RBFOX1: variants seen among roughly 807,000 people sequenced by gnomAD.
RBFOX1 encodes RNA binding fox-1 homolog 1, also known as RNA binding protein fox-1 homolog 1.
In RBFOX1, 8 loss-of-function variants were observed where a neutral mutation model predicts 57.7. That is an observed-to-expected ratio of 0.14 (90% CI 0.08 to 0.25). The LOEUF is 0.25. RBFOX1 is among the 10% of genes least tolerant of loss of function. The probability of loss-of-function intolerance (pLI) is 1.00; values close to 1 mark genes in which losing one functional copy is unlikely to be tolerated. For missense variants in RBFOX1, 611 were observed against 548.5 expected, an observed-to-expected ratio of 1.11 and a Z score of -1.14; for synonymous variants, 326 against 222.4, an observed-to-expected ratio of 1.47 and a Z score of -4.15.
At chr16:7,686,926 G>A (rs1031193742) in intron 14 of RBFOX1, among the ~76,000 whole-genome samples, 1 of 152,082 alleles carries the variant, frequency 6.6e-6, no homozygotes, top group African/African-American at 2.4e-5. Context: ...CCAAAACTCA[G>A]ATCTTTTTTT....
chr16:7,045,369 A>G (rs1026882162), intron 3 of RBFOX1, among the ~76,000 whole-genome samples: 1 of 152,140 alleles, frequency 6.6e-6, no homozygotes, highest in Non-Finnish European at 1.5e-5. Flanking sequence ...AAAAACAAAC[A>G]TGTCTACTAT....
chr16:7,493,599 A>G (rs2067645050), intron 4 of RBFOX1, among the ~76,000 whole-genome samples: 1 of 152,234 alleles, frequency 6.6e-6, no homozygotes, highest in Non-Finnish European at 1.5e-5. Flanking sequence ...AGAGAGGAAG[A>G]AAATGTAATA....
At chr16:7,198,920 T>C (rs9925310) in intron 4 of RBFOX1, among the ~76,000 whole-genome samples, 64,053 of 152,020 alleles carry the variant, frequency 0.42, 13,910 homozygotes, top group Non-Finnish European at 0.47. Flanking sequence ...TGTTCACAGT[T>C]TGCTCAGTAT....
intron 4 of RBFOX1, among the ~76,000 whole-genome samples, chr16:7,434,572 C>G (rs907300544): frequency 3.9e-5 from 6 of 152,068 alleles, no homozygotes; most frequent in Non-Finnish European, 8.8e-5. Flanking sequence ...CTAAGACCAC[C>G]ATGACCTACT....
chr16:5,905,280 G>T (rs766080599), intron 4 of RBFOX1, among the ~76,000 whole-genome samples: 4 of 151,656 alleles, frequency 2.6e-5, no homozygotes, highest in Non-Finnish European at 5.9e-5. Flanking sequence ...CTAGAACTCC[G>T]GACCTCAGGT....
intron 5 of RBFOX1, among the ~76,000 whole-genome samples, chr16:7,555,440 G>T (rs998097837): frequency 6.6e-6 from 1 of 152,216 alleles, no homozygotes; most frequent in East Asian, 1.9e-4. Context: ...TAAGATGTTA[G>T]TGTTAGAGGA....
intron 2 of RBFOX1, among the ~76,000 whole-genome samples, chr16:6,510,921 A>G (rs971618690): frequency 6.6e-6 from 1 of 152,012 alleles, no homozygotes. Flanking sequence ...TCATAATTTT[A>G]AGCATGAAAG....
intron 3 of RBFOX1, among the ~76,000 whole-genome samples, chr16:6,672,434 AAAAG>A (rs1206376669): frequency 1.2e-4 from 18 of 151,824 alleles, no homozygotes; most frequent in African/African-American, 3.1e-4. Flanking sequence ...AAGGAAAAAG[AAAAG>A]AAAGAGAAAA....
At chr16:5,712,572 A>T (rs1248972342) in intron 3 of RBFOX1, among the ~76,000 whole-genome samples, 1 of 152,106 alleles carries the variant, frequency 6.6e-6, no homozygotes, top group East Asian at 1.9e-4. Flanking sequence ...TTCATCATCT[A>T]TGAGCTCACT....
chr16:7,307,819 G>A (rs981548336), intron 4 of RBFOX1, among the ~76,000 whole-genome samples: 6 of 152,184 alleles, frequency 3.9e-5, no homozygotes, highest in African/African-American at 1.4e-4. Flanking sequence ...GAACGGACAA[G>A]TAGTCCTTGG....
At chr16:7,537,595 G>C (rs573710468) in intron 5 of RBFOX1, among the ~76,000 whole-genome samples, 1 of 152,312 alleles carries the variant, frequency 6.6e-6, no homozygotes, top group South Asian at 2.1e-4. Flanking sequence ...TGGGGGTGAA[G>C]ACATCGTAAA....
chr16:7,070,753 C>T (rs1477201303), intron 4 of RBFOX1, among the ~76,000 whole-genome samples: 1 of 152,140 alleles, frequency 6.6e-6, no homozygotes, highest in African/African-American at 2.4e-5. Flanking sequence ...CCAAAACTGG[C>T]CTTAAACTGA....
intron 3 of RBFOX1, among the ~76,000 whole-genome samples, chr16:6,679,822 C>T (rs1371933518): frequency 1.3e-5 from 2 of 149,680 alleles, no homozygotes; most frequent in African/African-American, 5.0e-5. Flanking sequence ...ATCAGAGATG[C>T]AGAGAAAGGC....
chr16:5,662,798 C>T (rs984047487), intron 3 of RBFOX1, among the ~76,000 whole-genome samples: 7 of 152,182 alleles, frequency 4.6e-5, no homozygotes, highest in African/African-American at 1.4e-4. Flanking sequence ...TAGTCCCCTC[C>T]ACTTCTAAGT....
chr16:6,718,441 A>T (rs2154159048), intron 3 of RBFOX1, among the ~76,000 whole-genome samples: 1 of 152,324 alleles, frequency 6.6e-6, no homozygotes, highest in East Asian at 1.9e-4. Context: ...AGGTAATGCG[A>T]GTAAGAGTAA....
At chr16:6,555,674 TG>T (rs2097087180) in intron 2 of RBFOX1, among the ~76,000 whole-genome samples, 1 of 151,888 alleles carries the variant, frequency 6.6e-6, no homozygotes, top group Admixed American at 6.6e-5. Context: ...CACTCCAGCC[TG>T]GGCGACAGAG....
At chr16:7,473,715 C>G (rs1365011453) in intron 4 of RBFOX1, among the ~76,000 whole-genome samples, 1 of 151,952 alleles carries the variant, frequency 6.6e-6, no homozygotes, top group Non-Finnish European at 1.5e-5. Context: ...AGAGTAGTTT[C>G]TTCTGATTTA....
chr16:7,221,905 C>A (rs181061687), intron 4 of RBFOX1, among the ~76,000 whole-genome samples: 1 of 152,158 alleles, frequency 6.6e-6, no homozygotes, highest in African/African-American at 2.4e-5. Context: ...CTCTTCATGT[C>A]CAACCACAAA....
intron 3 of RBFOX1, among the ~76,000 whole-genome samples, chr16:6,760,413 C>A (rs1603615661): frequency 6.6e-6 from 1 of 152,186 alleles, no homozygotes; most frequent in Non-Finnish European, 1.5e-5. Flanking sequence ...AACTCTTGCT[C>A]TTACAAGAAG....
Sources: gnomAD v4.1 joint callset for allele counts (sites outside exome capture counted in the v4.1 genomes callset) on GRCh38, gnomAD v4.1.1 for gene constraint, MANE v1.5 for transcripts, NCBI Gene and HGNC (gene_info 2026-07-23, HGNC 2026-07-21) for gene names.